Variants in PRKAA2 observed in about 807,000 individuals in gnomAD.
PRKAA2 encodes the protein 5'-AMP-activated protein kinase catalytic subunit alpha-2.
In PRKAA2, 40 loss-of-function variants were observed where a neutral mutation model predicts 56.3. The observed-to-expected ratio is 0.71, with a 90% CI of 0.55 to 0.92. The LOEUF is 0.92. PRKAA2 is among the 40% of genes least tolerant of loss of function. The pLI, the probability that PRKAA2 is intolerant of heterozygous loss-of-function variation, is 0.00. For missense variants in PRKAA2, 542 were observed against 686.9 expected (o/e 0.79, Z 2.36); for synonymous variants, 214 against 234.2 (o/e 0.91, Z 0.79).
At chr1:56,702,335 G>A (rs562142158) in intron 6 of PRKAA2, among the ~76,000 whole-genome samples, 24 of 152,154 alleles carry the variant, frequency 1.6e-4, no homozygotes, top group Admixed American at 9.2e-4. Context: ...CGCCTGCCTC[G>A]GCCTCCCAAA....
At chr1:56,697,988 A>G (rs2100430345) in intron 6 of PRKAA2, among the ~76,000 whole-genome samples, 1 of 151,520 alleles carries the variant, frequency 6.6e-6, no homozygotes, top group Non-Finnish European at 1.5e-5. Flanking sequence ...ACTTGAATCT[A>G]TAGTTTTCAT....
intron 1 of PRKAA2, among the ~76,000 whole-genome samples, chr1:56,671,199 G>A (rs1051180482): frequency 4.6e-5 from 7 of 152,158 alleles, no homozygotes; most frequent in Non-Finnish European, 8.8e-5. Flanking sequence ...CAGCTTTCAG[G>A]TGGAATGTGG....
chr1:56,652,506 A>AT (rs1643909819), intron 1 of PRKAA2, among the ~76,000 whole-genome samples: 1 of 152,200 alleles, frequency 6.6e-6, no homozygotes, highest in African/African-American at 2.4e-5. Context: ...TGTACAAATG[A>AT]TTTGATGTTC....
chr1:56,662,357 TG>T (rs1644000963), intron 1 of PRKAA2, among the ~76,000 whole-genome samples: 1 of 152,042 alleles, frequency 6.6e-6, no homozygotes, highest in Non-Finnish European at 1.5e-5. Context: ...CAAAAATTCA[TG>T]GAAAAATGGA....
Position 56,710,802 on chromosome 1 carries a change from C to G in PRKAA2, c.*3089C>G, listed in dbSNP as rs1644364585. Reference sequence around the variant, plus strand: ...ACAAGATTACTTGTTAAAAAAAAGTCTAAGAGACTAATGACTCATGCTTAT... The same window carrying G: ...ACAAGATTACTTGTTAAAAAAAAGTGTAAGAGACTAATGACTCATGCTTAT... On this transcript the variant is annotated 3_prime_UTR_variant, in exon 9 of 9. Transcript: ENST00000371244. The G allele has an allele frequency of 6.6e-6, 1 of 151,996 alleles. No individual in the cohort carries two copies. Among genetic ancestry groups the G allele is most frequent in the South Asian group, 2.1e-4 (1 of 4,820 alleles). The allele number at this position is 151,996 out of a possible 1,614,324, so 9.4% of individuals were successfully genotyped here. A position where few individuals can be genotyped will look rare whatever the true frequency, so the allele number is the denominator to read the frequency against.
chr1:56,666,205 A>T (rs1644034879), intron 1 of PRKAA2, among the ~76,000 whole-genome samples: 1 of 152,174 alleles, frequency 6.6e-6, no homozygotes, highest in Non-Finnish European at 1.5e-5. Context: ...ATAAATAGTT[A>T]CTGAGTGTTA....
chr1:56,661,747 T>C (rs1478196504), intron 1 of PRKAA2, among the ~76,000 whole-genome samples: 1 of 151,984 alleles, frequency 6.6e-6, no homozygotes, highest in Non-Finnish European at 1.5e-5. Flanking sequence ...TTTCAGATTC[T>C]TGTCATTACT....
intron 2 of PRKAA2, among the ~76,000 whole-genome samples, chr1:56,683,741 G>T (rs956989828): frequency 7.9e-5 from 12 of 152,104 alleles, no homozygotes; most frequent in Admixed American, 5.2e-4. Flanking sequence ...ATAGAGGGAA[G>T]AGCAAATACA....
rs142117052 is a variant in PRKAA2, at chr1:56,690,625, T to C, written c.237-769T>C. On this transcript the variant is annotated intron_variant, in intron 2 of 8. Transcript: ENST00000371244. The stretch of plus-strand genomic sequence containing the variant: ...TAATTGGTCAATATGTCTCTTAAGT[T>C]ACTTTTAACGTATAGTTTATCCTTT... Among the ~76,000 whole-genome samples, 94 of 152,220 alleles carry C rather than the reference T, an allele frequency of 6.2e-4. No homozygotes were observed. The East Asian group carries it at 0.018, about 29-fold the overall frequency.
At chr1:56,695,683 G>GTTTATTATTAACTAAAACATATTATTAA (rs1644254688) in intron 5 of PRKAA2, among the ~76,000 whole-genome samples, 1 of 151,732 alleles carries the variant, frequency 6.6e-6, no homozygotes, top group Non-Finnish European at 1.5e-5. Flanking sequence ...GTTTTAATTC[G>GTTTATTATTAACTAAAACATATTATTAA]TATGTTTCAG....
chr1:56,662,295 T>G (rs894656137), intron 1 of PRKAA2, among the ~76,000 whole-genome samples: 12 of 152,136 alleles, frequency 7.9e-5, no homozygotes, highest in African/African-American at 2.7e-4. Context: ...AAAGGAAACA[T>G]CAGATTATAT....
chr1:56,713,148 C>A lies in PRKAA2; in HGVS notation c.*5435C>A, dbSNP rs1255152584. On this transcript the variant is annotated 3_prime_UTR_variant, in exon 9 of 9. Transcript: ENST00000371244. Reference sequence around the variant, plus strand: ...AACAAGTTGCTGGCATCATTACTAGCCTTTCCACCTATAATTATGATGCAT... The same window carrying A: ...AACAAGTTGCTGGCATCATTACTAGACTTTCCACCTATAATTATGATGCAT... The A allele has an allele frequency of 6.6e-6, 1 of 152,142 alleles. No homozygotes were observed. The highest frequency in any genetic ancestry group is 1.5e-5 in the Non-Finnish European group (1 of 68,040). The allele number at this position is 152,142 out of a possible 1,614,324, so 9.4% of individuals were successfully genotyped here.
intron 5 of PRKAA2, among the ~76,000 whole-genome samples, chr1:56,695,143 T>C (rs1557559819): frequency 6.7e-6 from 1 of 149,390 alleles, no homozygotes; most frequent in African/African-American, 2.5e-5. Flanking sequence ...TTAAGTACTT[T>C]AATGTTTTAA....
chr1:56,673,993 A>G (rs969573602), intron 1 of PRKAA2, among the ~76,000 whole-genome samples: 3 of 115,534 alleles, frequency 2.6e-5, no homozygotes, highest in Non-Finnish European at 5.7e-5. Flanking sequence ...TTATTCTTCT[A>G]TAATACAATG....
intron 6 of PRKAA2, among the ~76,000 whole-genome samples, chr1:56,697,670 G>A (rs544043651): frequency 6.6e-6 from 1 of 152,190 alleles, no homozygotes; most frequent in African/African-American, 2.4e-5. Context: ...TATACATTTA[G>A]AATAGTAATA....
intron 1 of PRKAA2, among the ~76,000 whole-genome samples, chr1:56,648,502 G>A (rs919519963): frequency 1.3e-5 from 2 of 152,120 alleles, no homozygotes; most frequent in African/African-American, 4.8e-5. Context: ...ATAAATAATG[G>A]CACTACGAAT....
intron 2 of PRKAA2, among the ~76,000 whole-genome samples, chr1:56,675,474 A>G (rs1244444775): frequency 1.3e-5 from 2 of 152,120 alleles, no homozygotes; most frequent in Admixed American, 1.3e-4. Flanking sequence ...CTAAAAAGTA[A>G]TAGCAGCTTA....
At position 56,692,517 on chromosome 1, in the gene PRKAA2, G is replaced by T; in HGVS notation, c.475+15G>T. On this transcript the variant is annotated intron_variant, in intron 4 of 8. Coordinates refer to ENST00000371244, the MANE Select transcript of PRKAA2 (RefSeq NM_006252.4). ...AGCCGATTTCGGTATGTAACTCCAGGGTTGTTCAGAAAGGTACTAGCTACC... is the reference window on the plus strand; with the variant it reads ...AGCCGATTTCGGTATGTAACTCCAGTGTTGTTCAGAAAGGTACTAGCTACC... The T allele has an allele frequency of 6.2e-7, 1 of 1,611,632 alleles. No homozygotes were observed. Among genetic ancestry groups the T allele is most frequent in the Non-Finnish European group, 8.5e-7 (1 of 1,178,982 alleles).
chr1:56,666,445 A>G (rs1644036780), intron 1 of PRKAA2, among the ~76,000 whole-genome samples: 1 of 152,186 alleles, frequency 6.6e-6, no homozygotes, highest in Non-Finnish European at 1.5e-5. Flanking sequence ...ATGGGGTGCT[A>G]GTTAGGGAAT....
Sources: gnomAD v4.1 joint callset for allele counts (sites outside exome capture counted in the v4.1 genomes callset) on GRCh38, gnomAD v4.1.1 for gene constraint, MANE v1.5 for transcripts, NCBI Gene and HGNC (gene_info 2026-07-23, HGNC 2026-07-21) for gene names.